ASTN2: variants seen among roughly 807,000 people sequenced by gnomAD.
ASTN2 encodes astrotactin-2.
ASTN2 carries 54 observed loss-of-function variants against 139.8 expected under a neutral mutation model. The observed-to-expected ratio is 0.39, with a 90% CI of 0.31 to 0.48. The LOEUF (loss-of-function observed/expected upper bound fraction) is 0.48, where lower values mean the gene tolerates loss of function less well. Among genes scored for constraint, ASTN2 ranks in the 20% least tolerant of loss-of-function variants. The probability of loss-of-function intolerance (pLI) is 0.95; values close to 1 mark genes in which losing one functional copy is unlikely to be tolerated. For synonymous variants in ASTN2, 756 were observed against 719.5 expected (o/e 1.05, Z -0.81); for missense variants, 1,565 against 1,725.1 (o/e 0.91, Z 1.64).
intron 1 of ASTN2, among the ~76,000 whole-genome samples, chr9:117,356,014 C>T (rs920053080): frequency 2.0e-5 from 3 of 152,082 alleles, no homozygotes; most frequent in Admixed American, 6.5e-5. Context: ...TGTGCCGGTG[C>T]TTACAAACAT....
intron 3 of ASTN2, among the ~76,000 whole-genome samples, chr9:117,155,629 G>T (rs781287133): frequency 2.0e-5 from 3 of 151,964 alleles, no homozygotes; most frequent in Non-Finnish European, 2.9e-5. Flanking sequence ...TCTGATAAGG[G>T]TTACAGACTA....
chr9:117,363,946 G>A (rs1267765214), intron 1 of ASTN2, among the ~76,000 whole-genome samples: 1 of 152,146 alleles, frequency 6.6e-6, no homozygotes, highest in South Asian at 2.1e-4. Flanking sequence ...GCAAGCGTGG[G>A]CTGTTTTGTT....
At chr9:116,901,320 T>A (rs1468906082) in intron 10 of ASTN2, among the ~76,000 whole-genome samples, 2 of 152,132 alleles carry the variant, frequency 1.3e-5, no homozygotes. Context: ...GAGACCAGCC[T>A]GGGTAACATA....
Position 117,186,734 on chromosome 9 carries a change from T to A in ASTN2, c.1015+27624A>T, listed in dbSNP as rs191880756. On this transcript the variant is annotated intron_variant, in intron 3 of 22. Coordinates refer to ENST00000313400, the MANE Select transcript of ASTN2 (RefSeq NM_001365068.1). ...AATTATTTATTTGCTTTCTATACAG[T>A]GCCAGGCAATGTTCTAAACAAGAAG... Among the ~76,000 whole-genome samples the A allele has an allele frequency of 2.4e-3, 362 of 152,278 alleles. 1 individual carries two copies. The highest frequency in any genetic ancestry group is 6.8e-3 in the Middle Eastern group (2 of 294).
At chr9:117,304,473 A>G (rs1490811894) in intron 1 of ASTN2, among the ~76,000 whole-genome samples, 2 of 152,192 alleles carry the variant, frequency 1.3e-5, no homozygotes, top group Non-Finnish European at 2.9e-5. Context: ...CTTAATGGGC[A>G]TGTGTAGCAC....
rs141858874 is a variant in ASTN2, at chr9:117,032,264, G to A, written c.1423+7555C>T. ...CTGCCATATATGGAAATATATGATG[G>A]AGAGGAATGTACAAGCAAAGGTATA... On this transcript the variant is annotated intron_variant, in intron 6 of 22. Coordinates refer to ENST00000313400, the MANE Select transcript of ASTN2 (RefSeq NM_001365068.1). Among the ~76,000 whole-genome samples the A allele has an allele frequency of 2.2e-3, 341 of 152,238 alleles. 1 individual carries two copies. Among genetic ancestry groups the A allele is most frequent in the African/African-American group, 7.6e-3 (317 of 41,562 alleles).
At chr9:116,500,211 C>T (rs1422190215) in intron 19 of ASTN2, among the ~76,000 whole-genome samples, 2 of 152,152 alleles carry the variant, frequency 1.3e-5, no homozygotes, top group Non-Finnish European at 2.9e-5. Flanking sequence ...TTCCACTGCC[C>T]TCTCCTTTTG....
chr9:117,363,579 T>C (rs934183241), intron 1 of ASTN2, among the ~76,000 whole-genome samples: 5 of 152,138 alleles, frequency 3.3e-5, no homozygotes, highest in African/African-American at 9.7e-5. Context: ...CAGCAGAACA[T>C]GCTGTGAAAG....
chr9:116,942,695 G>A (rs1227624285), intron 10 of ASTN2, among the ~76,000 whole-genome samples: 5 of 152,204 alleles, frequency 3.3e-5, no homozygotes, highest in African/African-American at 1.2e-4. Flanking sequence ...TGCATATAAG[G>A]AAGCTAGCCA....
intron 5 of ASTN2, among the ~76,000 whole-genome samples, chr9:117,049,065 T>G (rs1464380478): frequency 6.8e-6 from 1 of 147,128 alleles, no homozygotes; most frequent in African/African-American, 2.5e-5. Flanking sequence ...CCTCCCAGGC[T>G]CAAGTGATTC....
intron 2 of ASTN2, among the ~76,000 whole-genome samples, chr9:117,234,400 G>A (rs905100832): frequency 2.0e-5 from 3 of 152,080 alleles, no homozygotes; most frequent in Non-Finnish European, 2.9e-5. Context: ...CTCCTGAACC[G>A]GCCATGTGTC....
At chr9:116,772,480 C>T (rs895208738) in intron 13 of ASTN2, among the ~76,000 whole-genome samples, 3 of 152,124 alleles carry the variant, frequency 2.0e-5, no homozygotes, top group Admixed American at 6.5e-5. Context: ...ATAAATTACC[C>T]AGCCTCAAGT....
intron 20 of ASTN2, among the ~76,000 whole-genome samples, chr9:116,482,649 G>C (rs763210828): frequency 2.6e-5 from 4 of 151,916 alleles, no homozygotes; most frequent in African/African-American, 9.7e-5. Context: ...ACTTGCTGTC[G>C]GACTCCCAAC....
chr9:116,611,305 A>G (rs1052450557), intron 19 of ASTN2: 2 of 152,200 alleles, frequency 1.3e-5, no homozygotes, highest in Non-Finnish European at 2.9e-5. Flanking sequence ...GAATGACTAC[A>G]TTACAAGAAA....
At chr9:117,065,122 T>C (rs1014709095) in intron 5 of ASTN2, among the ~76,000 whole-genome samples, 26 of 152,044 alleles carry the variant, frequency 1.7e-4, no homozygotes, top group African/African-American at 6.3e-4. Flanking sequence ...CATACAGGAC[T>C]AGGAACTTCG....
At chr9:117,135,954 G>T (rs1829941717) in intron 4 of ASTN2, among the ~76,000 whole-genome samples, 1 of 152,168 alleles carries the variant, frequency 6.6e-6, no homozygotes, top group African/African-American at 2.4e-5. Flanking sequence ...GACAGAGGCA[G>T]GGTACAGCCC....
At chr9:117,143,148 G>A (rs965416583) in intron 3 of ASTN2, among the ~76,000 whole-genome samples, 7 of 152,178 alleles carry the variant, frequency 4.6e-5, no homozygotes, top group African/African-American at 1.2e-4. Context: ...ATAGGGAAAA[G>A]GTATGATTGC....
At chr9:116,923,076 C>A (rs1834658554) in intron 10 of ASTN2, among the ~76,000 whole-genome samples, 1 of 152,204 alleles carries the variant, frequency 6.6e-6, no homozygotes, top group South Asian at 2.1e-4. Context: ...ACTTTACAAA[C>A]AAGGACATTA....
intron 2 of ASTN2, among the ~76,000 whole-genome samples, chr9:117,281,013 C>A (rs1052564412): frequency 6.6e-6 from 1 of 152,178 alleles, no homozygotes; most frequent in Non-Finnish European, 1.5e-5. Context: ...AAAGAGCAAT[C>A]TTTTCTGCCC....
Sources: gnomAD v4.1 joint callset for allele counts (sites outside exome capture counted in the v4.1 genomes callset) on GRCh38, gnomAD v4.1.1 for gene constraint, MANE v1.5 for transcripts, NCBI Gene and HGNC (gene_info 2026-07-23, HGNC 2026-07-21) for gene names.